PEAK1: variants seen among roughly 807,000 people sequenced by gnomAD.
PEAK1 encodes inactive tyrosine-protein kinase PEAK1.
Under a neutral mutation model 124.7 loss-of-function variants are expected in PEAK1, and 54 were observed. The observed-to-expected ratio is 0.43, with a 90% confidence interval of 0.35 to 0.54. PEAK1 has a LOEUF of 0.54. PEAK1 is among the 20% of genes least tolerant of loss of function. PEAK1 has a pLI of 0.01. For missense variants in PEAK1, 2,046 were observed against 2,134.5 expected (o/e 0.96, Z 0.82); for synonymous variants, 719 against 760.0 (o/e 0.95, Z 0.89).
At chr15:77,292,368 G>A (rs2063265792) in intron 2 of PEAK1, among the ~76,000 whole-genome samples, 1 of 152,090 alleles carries the variant, frequency 6.6e-6, no homozygotes, top group African/African-American at 2.4e-5. Flanking sequence ...TCATGATTGA[G>A]AGAAGCTTAC....
chr15:77,157,627 A>G (rs1055013830), intron 8 of PEAK1: 1 of 152,204 alleles, frequency 6.6e-6, no homozygotes, highest in South Asian at 2.1e-4. Flanking sequence ...TATACCTCCA[A>G]TAACAGGGAT....
At chr15:77,119,496 T>C (rs2051715324) in intron 9 of PEAK1, among the ~76,000 whole-genome samples, 2 of 152,192 alleles carry the variant, frequency 1.3e-5, no homozygotes, top group Non-Finnish European at 1.5e-5. Flanking sequence ...TCCTGAAGCA[T>C]TCTGACCAGA....
chr15:77,398,141 G>C (rs2071055379), intron 1 of PEAK1, among the ~76,000 whole-genome samples: 1 of 152,036 alleles, frequency 6.6e-6, no homozygotes, highest in Non-Finnish European at 1.5e-5. Flanking sequence ...AAAAGCTCAG[G>C]ACTCAATAGC....
At chr15:77,300,334 T>C (rs1344406533) in intron 2 of PEAK1, among the ~76,000 whole-genome samples, 1 of 152,266 alleles carries the variant, frequency 6.6e-6, no homozygotes, top group Non-Finnish European at 1.5e-5. Flanking sequence ...AGAGGAGTAC[T>C]GTTAGTAGGC....
At chr15:77,318,881 G>A (rs559462732) in intron 2 of PEAK1, among the ~76,000 whole-genome samples, 1 of 152,146 alleles carries the variant, frequency 6.6e-6, no homozygotes, top group South Asian at 2.1e-4. Flanking sequence ...GCTTCAGGTA[G>A]CTACTACAGT....
chr15:77,136,990 CCA>C (rs1229563025), intron 8 of PEAK1, among the ~76,000 whole-genome samples: 1 of 152,240 alleles, frequency 6.6e-6, no homozygotes, highest in Non-Finnish European at 1.5e-5. Context: ...TGTATCTTAA[CCA>C]CTCCAGCCAT....
chr15:77,251,558 C>T (rs553026649), intron 6 of PEAK1, among the ~76,000 whole-genome samples: 4 of 152,100 alleles, frequency 2.6e-5, no homozygotes, highest in African/African-American at 9.6e-5. Flanking sequence ...CCAAAAAATC[C>T]TTTGCATACT....
chr15:77,347,667 A>AGT (rs2066947796), intron 2 of PEAK1: 2 of 974,918 alleles, frequency 2.1e-6, no homozygotes, highest in African/African-American at 3.5e-5. Flanking sequence ...AACATAAAAC[A>AGT]ACACCCTCCT....
chr15:77,175,874 C>T (rs990233924), intron 7 of PEAK1, among the ~76,000 whole-genome samples: 1 of 152,090 alleles, frequency 6.6e-6, no homozygotes, highest in Admixed American at 6.5e-5. Context: ...CAACGATAGA[C>T]TGGATTAAGA....
intron 9 of PEAK1, among the ~76,000 whole-genome samples, chr15:77,115,978 A>T (rs1269132396): frequency 6.6e-6 from 1 of 152,216 alleles, no homozygotes; most frequent in African/African-American, 2.4e-5. Flanking sequence ...CAACATTTCA[A>T]TGGTGGTTTT....
chr15:77,169,376 A>T (rs2056347474), intron 7 of PEAK1, among the ~76,000 whole-genome samples: 1 of 152,236 alleles, frequency 6.6e-6, no homozygotes, highest in Admixed American at 6.5e-5. Context: ...TGGACACAGA[A>T]TTTATGCCTG....
chr15:77,351,764 T>C (rs2067225095), intron 2 of PEAK1: 1 of 985,444 alleles, frequency 1.0e-6, no homozygotes, highest in Non-Finnish European at 1.2e-6. Flanking sequence ...CAACAGGCCA[T>C]GTTAAGACTT....
intron 5 of PEAK1, among the ~76,000 whole-genome samples, chr15:77,256,630 A>C (rs1223740555): frequency 1.3e-5 from 2 of 152,124 alleles, no homozygotes. Context: ...AGACATAAAA[A>C]CTAGATGAAA....
At chr15:77,403,168 G>A (rs922429411) in intron 1 of PEAK1, 1 of 985,294 alleles carries the variant, frequency 1.0e-6, no homozygotes, top group South Asian at 4.7e-5. Flanking sequence ...TACTTTGCCT[G>A]TATCATCTTG....
intron 6 of PEAK1, among the ~76,000 whole-genome samples, chr15:77,196,637 T>A (rs764534214): frequency 2.2e-4 from 34 of 152,254 alleles, no homozygotes; most frequent in African/African-American, 7.9e-4. Flanking sequence ...TTAACTGGTA[T>A]ACAGCAAGCA....
intron 2 of PEAK1, among the ~76,000 whole-genome samples, chr15:77,319,164 T>A (rs1343183867): frequency 6.6e-6 from 1 of 151,988 alleles, no homozygotes; most frequent in Non-Finnish European, 1.5e-5. Flanking sequence ...AAACTATTCT[T>A]ACAGAAAAGG....
At chr15:77,177,269 A>G (rs1224764112) in intron 7 of PEAK1, among the ~76,000 whole-genome samples, 1 of 152,142 alleles carries the variant, frequency 6.6e-6, no homozygotes, top group Non-Finnish European at 1.5e-5. Context: ...AAATACATGT[A>G]TTTTATTACT....
intron 8 of PEAK1, among the ~76,000 whole-genome samples, chr15:77,153,743 C>T (rs2054869150): frequency 1.3e-5 from 2 of 152,102 alleles, no homozygotes; most frequent in South Asian, 4.1e-4. Flanking sequence ...TCATTATGTA[C>T]CCAGTAGTCA....
intron 9 of PEAK1, among the ~76,000 whole-genome samples, chr15:77,118,638 TA>T (rs1213622599): frequency 6.6e-6 from 1 of 152,222 alleles, no homozygotes; most frequent in Non-Finnish European, 1.5e-5. Flanking sequence ...ATTCCTTCTT[TA>T]TAAAGAGTAG....
Sources: gnomAD v4.1 joint callset for allele counts (sites outside exome capture counted in the v4.1 genomes callset) on GRCh38, gnomAD v4.1.1 for gene constraint, MANE v1.5 for transcripts, NCBI Gene and HGNC (gene_info 2026-07-23, HGNC 2026-07-21) for gene names.